Variants in IL1RAPL2 observed in about 807,000 individuals in gnomAD.
IL1RAPL2 encodes interleukin 1 receptor accessory protein like 2.
In IL1RAPL2, 3 loss-of-function variants were observed where a neutral mutation model predicts 44.1. The observed-to-expected ratio is 0.07, with a 90% CI of 0.03 to 0.18. The LOEUF (loss-of-function observed/expected upper bound fraction) is 0.18, where lower values mean the gene tolerates loss of function less well. Among genes scored for constraint, IL1RAPL2 ranks in the 10% least tolerant of loss-of-function variants. The probability of loss-of-function intolerance (pLI) is 1.00; values close to 1 mark genes in which losing one functional copy is unlikely to be tolerated. For synonymous variants in IL1RAPL2, 181 were observed against 178.8 expected, an observed-to-expected ratio of 1.01 and a Z score of -0.10; for missense variants, 391 against 496.4, an observed-to-expected ratio of 0.79 and a Z score of 2.02.
chrX:105,701,979 A>G (rs185433889), intron 6 of IL1RAPL2, among the ~76,000 whole-genome samples: 1 of 111,244 alleles, frequency 9.0e-6, no homozygotes, highest in African/African-American at 3.3e-5. Context: ...AATTAGCAAG[A>G]CCTCCACAAA....
intron 2 of IL1RAPL2, among the ~76,000 whole-genome samples, chrX:104,950,832 C>G (rs184167231): frequency 6.3e-5 from 7 of 111,035 alleles, no homozygotes; most frequent in East Asian, 2.8e-4. Flanking sequence ...CTCAGCCTCC[C>G]GAGTAGCTGG....
At chrX:105,688,088 A>G (rs2037999196) in intron 6 of IL1RAPL2, among the ~76,000 whole-genome samples, 4 of 111,785 alleles carry the variant, frequency 3.6e-5, no homozygotes, top group Admixed American at 1.9e-4. Flanking sequence ...AATAAGAGCT[A>G]TTTATGACAA....
At chrX:105,584,676 A>C (rs1393215595) in intron 6 of IL1RAPL2, among the ~76,000 whole-genome samples, 2 of 111,482 alleles carry the variant, frequency 1.8e-5, no homozygotes, top group African/African-American at 6.5e-5. Flanking sequence ...TTCTAGGTTG[A>C]CAGCCTTTTT....
intron 2 of IL1RAPL2, among the ~76,000 whole-genome samples, chrX:104,674,035 C>T (rs1175614809): frequency 9.0e-6 from 1 of 111,511 alleles, no homozygotes; most frequent in East Asian, 2.8e-4. Flanking sequence ...ACAATCATGT[C>T]ATCTGCAAAC....
intron 5 of IL1RAPL2, among the ~76,000 whole-genome samples, chrX:105,378,830 T>G (rs2147721989): frequency 8.9e-6 from 1 of 112,089 alleles, no homozygotes; most frequent in Admixed American, 9.5e-5. Flanking sequence ...TTCAATGTTT[T>G]CCCCAACTTT....
chrX:104,692,594 A>G (rs1931110094), intron 2 of IL1RAPL2, among the ~76,000 whole-genome samples: 1 of 109,237 alleles, frequency 9.2e-6, no homozygotes, highest in African/African-American at 3.3e-5. Flanking sequence ...GAGTGAGAAT[A>G]TGCGGGTTTC....
chrX:104,827,926 T>C (rs920393751), intron 2 of IL1RAPL2, among the ~76,000 whole-genome samples: 1 of 111,960 alleles, frequency 8.9e-6, no homozygotes, highest in Non-Finnish European at 1.9e-5. Context: ...TGGCTATTGA[T>C]ACTTGTGTAT....
At chrX:104,751,750 T>C (rs769631709) in intron 2 of IL1RAPL2, among the ~76,000 whole-genome samples, 1 of 111,302 alleles carries the variant, frequency 9.0e-6, no homozygotes, top group Non-Finnish European at 1.9e-5. Context: ...TGCATACTTA[T>C]TTTACATTTT....
chrX:105,227,058 C>G (rs1376527648), intron 3 of IL1RAPL2, among the ~76,000 whole-genome samples: 3 of 76,035 alleles, frequency 3.9e-5, no homozygotes, highest in Non-Finnish European at 6.9e-5. Flanking sequence ...ACATCACACT[C>G]TGGGGACTGT....
intron 4 of IL1RAPL2, 57 bp from the exon 5 acceptor site, chrX:105,267,331 T>C (rs2034410539): frequency 9.9e-7 from 1 of 1,006,937 alleles, no homozygotes; most frequent in African/African-American, 1.9e-5. Context: ...TTGCTGGTAC[T>C]GAGATGTAGT....
chrX:104,945,657 T>C (rs1167828827), intron 2 of IL1RAPL2, among the ~76,000 whole-genome samples: 1 of 112,107 alleles, frequency 8.9e-6, no homozygotes, highest in Non-Finnish European at 1.9e-5. Flanking sequence ...TTCTTTTACA[T>C]GCACCCAAAG....
intron 2 of IL1RAPL2, among the ~76,000 whole-genome samples, chrX:105,086,861 G>C (rs904226989): frequency 4.5e-5 from 5 of 110,664 alleles, no homozygotes; most frequent in Non-Finnish European, 1.9e-5. Context: ...ATATTACGCA[G>C]TGCAGATCAA....
At chrX:105,573,213 C>A (rs2037027585) in intron 6 of IL1RAPL2, among the ~76,000 whole-genome samples, 1 of 111,072 alleles carries the variant, frequency 9.0e-6, no homozygotes, top group Non-Finnish European at 1.9e-5. Context: ...CATGCACCAA[C>A]AAACCCAGCT....
intron 5 of IL1RAPL2, among the ~76,000 whole-genome samples, chrX:105,305,361 C>G (rs1420794216): frequency 1.8e-5 from 2 of 111,580 alleles, no homozygotes; most frequent in Non-Finnish European, 3.8e-5. Flanking sequence ...CACACACACA[C>G]GCACGGATCT....
At chrX:104,981,966 C>A (rs1417513608) in intron 2 of IL1RAPL2, among the ~76,000 whole-genome samples, 1 of 110,486 alleles carries the variant, frequency 9.1e-6, no homozygotes, top group Non-Finnish European at 1.9e-5. Flanking sequence ...AAGAAGGGAA[C>A]AATAGACACT....
chrX:104,926,159 T>C (rs949794150), intron 2 of IL1RAPL2, among the ~76,000 whole-genome samples: 2 of 111,800 alleles, frequency 1.8e-5, no homozygotes, highest in African/African-American at 6.5e-5. Context: ...AATAAAAATG[T>C]TATGCTCTGG....
chrX:104,628,857 C>T (rs1929574020), intron 1 of IL1RAPL2, among the ~76,000 whole-genome samples: 1 of 112,069 alleles, frequency 8.9e-6, no homozygotes, highest in Admixed American at 9.5e-5. Flanking sequence ...AATATGTGCA[C>T]ATACAAGGAT....
chrX:105,218,101 T>G (rs993187597), intron 3 of IL1RAPL2, among the ~76,000 whole-genome samples: 4 of 110,300 alleles, frequency 3.6e-5, no homozygotes, highest in Non-Finnish European at 5.7e-5. Context: ...ATCCCAGAAC[T>G]TAAAAAAAAA....
intron 2 of IL1RAPL2, among the ~76,000 whole-genome samples, chrX:104,862,080 C>T (rs1407345587): frequency 3.6e-5 from 4 of 110,580 alleles, no homozygotes; most frequent in South Asian, 3.9e-4. Context: ...TGACAAGGTA[C>T]AATTTGAAAG....
Sources: gnomAD v4.1 joint callset for allele counts (sites outside exome capture counted in the v4.1 genomes callset) on GRCh38, gnomAD v4.1.1 for gene constraint, MANE v1.5 for transcripts, NCBI Gene and HGNC (gene_info 2026-07-23, HGNC 2026-07-21) for gene names.